Variants in CTNNA2 observed in about 807,000 individuals in gnomAD.
The protein encoded by CTNNA2 is catenin alpha 2, also known as catenin alpha-2.
CTNNA2 carries 42 observed loss-of-function variants against 101.0 expected under a neutral mutation model. The ratio of observed to expected loss-of-function variants is 0.42; its 90% CI spans 0.32 to 0.54. The LOEUF (loss-of-function observed/expected upper bound fraction) is 0.54, where lower values mean the gene tolerates loss of function less well. Among genes scored for constraint, CTNNA2 ranks in the 20% least tolerant of loss-of-function variants. The pLI, the probability that CTNNA2 is intolerant of heterozygous loss-of-function variation, is 0.14. For missense variants in CTNNA2, 871 were observed against 1,223.1 expected, an observed-to-expected ratio of 0.71 and a Z score of 4.29; for synonymous variants, 450 against 456.4, an observed-to-expected ratio of 0.99 and a Z score of 0.18.
At chr2:80,467,715 A>G (rs1005884725) in intron 9 of CTNNA2, among the ~76,000 whole-genome samples, 2 of 152,180 alleles carry the variant, frequency 1.3e-5, no homozygotes, top group African/African-American at 4.8e-5. Context: ...AATAGTATTA[A>G]TAATATGGGG....
chr2:80,303,824 G>A lies in CTNNA2; in HGVS notation c.1057-89387G>A, dbSNP rs747415412. The A allele has an allele frequency of 4.0e-6, 6 of 1,505,498 alleles. No individual in the cohort carries two copies. Among genetic ancestry groups the A allele is most frequent in the Non-Finnish European group, 4.4e-6 (5 of 1,127,140 alleles). The allele number at this position is 1,505,498 out of a possible 1,614,324, so 93.3% of individuals were successfully genotyped here. A position where few individuals can be genotyped will look rare whatever the true frequency, so the allele number is the denominator to read the frequency against. On this transcript the variant is annotated intron_variant, in intron 7 of 18. Coordinates refer to ENST00000402739, the MANE Select transcript of CTNNA2 (RefSeq NM_001282597.3). This position sits in a 1 kb window ranked among gnomAD's most constrained non-coding sequence, Gnocchi z 7.7. ...ACCGAGCAGCAGGAAATCCATTAGC[G>A]AGAATCTTTCCAGAGAGACTGGAGA... is the stretch of plus-strand genomic sequence containing the variant.
chr2:79,948,282 C>T (rs916579993), intron 7 of CTNNA2, among the ~76,000 whole-genome samples: 30 of 152,192 alleles, frequency 2.0e-4, no homozygotes, highest in Admixed American at 1.9e-3. Flanking sequence ...GCTGGTATAT[C>T]TCAGTGTATC....
At position 79,643,449 on chromosome 2, in the gene CTNNA2, C is replaced by A. The variant is rs533677472; in HGVS notation, c.-5-8103C>A. ...TTTGTCACAAATGAAAATTATCCAA[C>A]CCACCCTAGACCTAATCAATCAGAA... On this transcript the variant is annotated intron_variant, in intron 1 of 18. Coordinates refer to ENST00000402739, the MANE Select transcript of CTNNA2 (RefSeq NM_001282597.3). 2.0e-5 allele frequency among the ~76,000 whole-genome samples: 3 copies of A among 152,226 alleles called. No individual in the cohort carries two copies. In the South Asian group the frequency reaches 6.2e-4, roughly 32 times the overall value.
chr2:80,538,383 T>C (rs1437363275), intron 9 of CTNNA2, among the ~76,000 whole-genome samples: 3 of 152,312 alleles, frequency 2.0e-5, no homozygotes, highest in African/African-American at 7.2e-5. Flanking sequence ...CTTTAATCCA[T>C]CTTGAGTTAA....
intron 9 of CTNNA2, among the ~76,000 whole-genome samples, chr2:80,465,622 G>C (rs1427478688): frequency 6.6e-6 from 1 of 152,070 alleles, no homozygotes; most frequent in East Asian, 1.9e-4. Context: ...CATCAAGAAG[G>C]CCAATTCTAG....
intron 4 of CTNNA2, among the ~76,000 whole-genome samples, chr2:79,469,831 C>G (rs1168505626): frequency 2.0e-5 from 3 of 152,204 alleles, no homozygotes; most frequent in South Asian, 4.2e-4. Context: ...ATTCAACAGC[C>G]CTTCATGCTA....
At chr2:79,445,759 C>G (rs189807748) in intron 4 of CTNNA2, among the ~76,000 whole-genome samples, 1 of 152,080 alleles carries the variant, frequency 6.6e-6, no homozygotes, top group Non-Finnish European at 1.5e-5. Context: ...TTCACAACTC[C>G]TGTGTGCACA....
At chr2:80,012,759 T>C (rs995694265) in intron 7 of CTNNA2, among the ~76,000 whole-genome samples, 1 of 152,204 alleles carries the variant, frequency 6.6e-6, no homozygotes, top group African/African-American at 2.4e-5. Context: ...TAAACTCCAA[T>C]TTAGTCTTTC....
chr2:79,586,121 T>C (rs548078496), intron 1 of CTNNA2, among the ~76,000 whole-genome samples: 11 of 152,246 alleles, frequency 7.2e-5, no homozygotes, highest in African/African-American at 2.6e-4. Context: ...CTCTGTGGCA[T>C]CCTGTACTCC....
chr2:79,873,968 G>A, intron 5 of CTNNA2, 108 bp from the exon 6 acceptor site: 1 of 1,484,148 alleles, frequency 6.7e-7, no homozygotes, highest in Non-Finnish European at 9.0e-7. Context: ...CAGCACAAGG[G>A]TTTCTGAAGT....
At chr2:80,160,285 T>TC (rs1704230287) in intron 7 of CTNNA2, among the ~76,000 whole-genome samples, 1 of 152,246 alleles carries the variant, frequency 6.6e-6, no homozygotes, top group African/African-American at 2.4e-5. Flanking sequence ...GTATCCTAGT[T>TC]CCTTTGCCTT....
chr2:80,256,459 C>T (rs962115498), intron 7 of CTNNA2, among the ~76,000 whole-genome samples: 7 of 152,110 alleles, frequency 4.6e-5, no homozygotes, highest in Non-Finnish European at 8.8e-5. Flanking sequence ...AAGAAAATAA[C>T]CTCTCTTTTC....
intron 7 of CTNNA2, among the ~76,000 whole-genome samples, chr2:80,149,103 G>A (rs1399857305): frequency 1.4e-5 from 2 of 146,988 alleles, no homozygotes; most frequent in Non-Finnish European, 3.0e-5. Flanking sequence ...TTTGATCATA[G>A]CTCACTGCAG....
intron 7 of CTNNA2, among the ~76,000 whole-genome samples, chr2:80,099,970 C>G (rs1182983045): frequency 6.6e-6 from 1 of 152,020 alleles, no homozygotes; most frequent in African/African-American, 2.4e-5. Flanking sequence ...TGCTCTGTCG[C>G]CCAGGCTGGA....
chr2:79,923,594 G>A (rs539324410), intron 7 of CTNNA2, among the ~76,000 whole-genome samples: 10 of 152,162 alleles, frequency 6.6e-5, no homozygotes, highest in African/African-American at 2.4e-4. Flanking sequence ...TGATGAGCAG[G>A]TATAAAATCT....
chr2:79,409,545 A>T (rs1237033300), intron 4 of CTNNA2, among the ~76,000 whole-genome samples: 2 of 151,252 alleles, frequency 1.3e-5, no homozygotes, highest in African/African-American at 2.4e-5. Context: ...AGCACCATTT[A>T]TTAAATAGGG....
chr2:79,899,127 G>A (rs904020067), intron 6 of CTNNA2, among the ~76,000 whole-genome samples: 7 of 152,128 alleles, frequency 4.6e-5, no homozygotes, highest in East Asian at 3.9e-4. Context: ...GAATAAAAAC[G>A]ATGGTCAAGA....
chr2:80,606,187 G>A (rs1434147726), intron 16 of CTNNA2, among the ~76,000 whole-genome samples: 1 of 151,734 alleles, frequency 6.6e-6, no homozygotes, highest in African/African-American at 2.4e-5. Context: ...GAGTTTGAAT[G>A]GCTGTTTCAT....
At chr2:80,272,095 T>C (rs978597525) in intron 7 of CTNNA2, among the ~76,000 whole-genome samples, 2 of 152,248 alleles carry the variant, frequency 1.3e-5, no homozygotes, top group African/African-American at 4.8e-5. Flanking sequence ...TATAATTACT[T>C]ATGATTACTG....
Sources: allele counts gnomAD v4.1 joint callset (sites outside exome capture counted in the v4.1 genomes callset), GRCh38; gene constraint gnomAD v4.1.1; non-coding constraint Gnocchi (gnomAD v3.1); transcripts MANE v1.5; gene names NCBI Gene and HGNC (gene_info 2026-07-23, HGNC 2026-07-21).